Variants in HEXD observed in about 807,000 individuals in gnomAD.
HEXD encodes the protein hexosaminidase D, also known as N-acetyl-beta-galactosaminidase.
A neutral mutation model predicts 54.2 loss-of-function variants in HEXD; 47 were observed. That is an observed-to-expected ratio of 0.87 (90% CI 0.69 to 1.11). The LOEUF is 1.11. Among genes scored for constraint, HEXD ranks in the 50% least tolerant of loss-of-function variants. The pLI, the probability that HEXD is intolerant of heterozygous loss-of-function variation, is 0.00. For synonymous variants in HEXD, 293 were observed against 287.6 expected (o/e 1.02, Z -0.19); for missense variants, 576 against 649.2 (o/e 0.89, Z 1.23).
Position 82,442,614 on chromosome 17 carries a change from C to T in HEXD, c.*230C>T. On this transcript the variant is annotated 3_prime_UTR_variant, in exon 13 of 13. Coordinates refer to ENST00000327949, the MANE Select transcript of HEXD (RefSeq NM_001330542.2). The surrounding 1 kb of genome is among the most constrained non-coding windows in gnomAD (Gnocchi z 6.8). ...GTGATCTGCATGTGTGACACTGATT[C>T]TTTGGAAATAAAGAGTGGAAGCTGC... The T allele has an allele frequency of 1.3e-6, 2 of 1,545,516 alleles. No individual in the cohort carries two copies. The highest frequency in any genetic ancestry group is 1.8e-6 in the Non-Finnish European group (2 of 1,139,138).
At chr17:82,430,054 T>A (rs2053533919) in intron 4 of HEXD, among the ~76,000 whole-genome samples, 1 of 152,070 alleles carries the variant, frequency 6.6e-6, no homozygotes, top group Non-Finnish European at 1.5e-5. Context: ...CTGCTGCTCC[T>A]CCTCCTCTTC....
intron 3 of HEXD, 84 bp downstream of exon 3, chr17:82,424,587 G>A (rs775336768): frequency 2.3e-4 from 205 of 889,000 alleles, no homozygotes; most frequent in Admixed American, 1.7e-4. Context: ...GCAGCAACCT[G>A]GAGGTGCGGG....
At chr17:82,423,972 G>T (rs563823427) in intron 2 of HEXD, among the ~76,000 whole-genome samples, 1 of 139,740 alleles carries the variant, frequency 7.2e-6, no homozygotes, top group Non-Finnish European at 1.5e-5. Context: ...CCCCTGCCCC[G>T]GCTCCTCCTG....
At position 82,437,368 on chromosome 17, in the gene HEXD, G is replaced by A. The variant is rs749224702; in HGVS notation, c.899+5G>A. The A allele has an allele frequency of 8.2e-6, 13 of 1,580,856 alleles. No individual in the cohort carries two copies. The highest frequency in any genetic ancestry group is 1.0e-5 in the Non-Finnish European group (12 of 1,161,544). ...CATCCTGACCGGCTGGCAGAGGTAAGTCCTGGCCAGTCTGTCCTCAGAGGG... is the reference window on the plus strand; with the variant it reads ...CATCCTGACCGGCTGGCAGAGGTAAATCCTGGCCAGTCTGTCCTCAGAGGG... On this transcript the variant is annotated splice_donor_5th_base_variant and intron_variant, in intron 8 of 12. Coordinates refer to ENST00000327949, the MANE Select transcript of HEXD (RefSeq NM_001330542.2).
At chr17:82,433,184 G>A (rs2053662020) in intron 4 of HEXD, among the ~76,000 whole-genome samples, 1 of 131,840 alleles carries the variant, frequency 7.6e-6, no homozygotes, top group East Asian at 2.2e-4. Context: ...GTTCACGCCT[G>A]TAATCCCAGC....
Position 82,442,453 on chromosome 17 carries a change from C to T in HEXD, c.*69C>T. The stretch of plus-strand genomic sequence containing the variant: ...GCTCTGCACTGCCAAATGGCCTGGG[C>T]AATACGGGCCCACGTGGGCGTCGTG... On this transcript the variant is annotated 3_prime_UTR_variant, in exon 13 of 13. Coordinates refer to ENST00000327949, the MANE Select transcript of HEXD (RefSeq NM_001330542.2). The surrounding 1 kb of genome is among the most constrained non-coding windows in gnomAD (Gnocchi z 6.8). 1.2e-6 allele frequency: 2 copies of T among 1,608,984 alleles called. No homozygotes were observed. Among genetic ancestry groups the T allele is most frequent in the East Asian group, 4.5e-5 (2 of 44,652 alleles).
chr17:82,424,378 CCT>C lies in HEXD; in HGVS notation c.85-15_85-14del. On this transcript the variant is annotated splice_polypyrimidine_tract_variant and intron_variant, in intron 2 of 12. Coordinates refer to ENST00000327949, the MANE Select transcript of HEXD (RefSeq NM_001330542.2). ...AGCAGCCACTTCTTCCTAACCCCTCCCTGTTTACCCCCCAGATTTTTCCTCTG... is the reference window on the plus strand; with the variant it reads ...AGCAGCCACTTCTTCCTAACCCCTCCGTTTACCCCCCAGATTTTTCCTCTG... 3 of 1,584,298 alleles carry C rather than the reference CCT, an allele frequency of 1.9e-6. No homozygotes were observed. The highest frequency in any genetic ancestry group is 1.7e-6 in the Non-Finnish European group (2 of 1,152,944).
At chr17:82,441,517 G>A (rs1289053853) in intron 11 of HEXD, among the ~76,000 whole-genome samples, 1 of 149,062 alleles carries the variant, frequency 6.7e-6, no homozygotes, top group Non-Finnish European at 1.5e-5. Context: ...GGGCAGGTGC[G>A]GCTGAGGGGC....
intron 9 of HEXD, 164 bp downstream of exon 9, chr17:82,439,877 A>G: frequency 1.3e-6 from 2 of 1,535,480 alleles, no homozygotes; most frequent in East Asian, 4.9e-5. Context: ...CCTGCCCTGA[A>G]GTCCACCCAG....
chr17:82,418,576 G>A lies in HEXD; in HGVS notation c.-216G>A, dbSNP rs2053133642. ...GGGAGCGCGAGGCAGGCACGGCGCA[G>A]GGACGCGAGTGCGACGCGCTCGGCC... is the stretch of plus-strand genomic sequence containing the variant. On this transcript the variant is annotated 5_prime_UTR_variant, in exon 1 of 13. Transcript: ENST00000327949. 1 of 627,778 alleles carries A rather than the reference G, an allele frequency of 1.6e-6. No individual in the cohort carries two copies. Among genetic ancestry groups the A allele is most frequent in the Admixed American group, 4.8e-5 (1 of 21,036 alleles). The allele number at this position is 627,778 out of a possible 1,614,324, so 38.9% of individuals were successfully genotyped here. A position where few individuals can be genotyped will look rare whatever the true frequency, so the allele number is the denominator to read the frequency against.
At chr17:82,436,811 C>G in intron 7 of HEXD, 73 bp downstream of exon 7, 1 of 1,413,788 alleles carries the variant, frequency 7.1e-7, no homozygotes, top group South Asian at 1.2e-5. Flanking sequence ...CCCTGTGACC[C>G]TGCAGCCGGA....
At chr17:82,427,811 T>G (rs1599730029) in intron 3 of HEXD, among the ~76,000 whole-genome samples, 1 of 152,148 alleles carries the variant, frequency 6.6e-6, no homozygotes, top group South Asian at 2.1e-4. Flanking sequence ...TGACAGCTCA[T>G]GTAAAGCTTG....
chr17:82,430,029 C>G lies in HEXD; in HGVS notation c.282+1384C>G, dbSNP rs541432884. 2.0e-5 allele frequency among the ~76,000 whole-genome samples: 3 copies of G among 152,286 alleles called. No homozygotes were observed. In the East Asian group the frequency reaches 5.8e-4, roughly 29 times the overall value. On this transcript the variant is annotated intron_variant, in intron 4 of 12. Coordinates refer to ENST00000327949, the MANE Select transcript of HEXD (RefSeq NM_001330542.2). ...AGCACCACCACCCGCCACGCCCTGA[C>G]CCATGTTGGTCCTGCTGCTGCTCCT...
At position 82,437,235 on chromosome 17, in the gene HEXD, T is replaced by C. The variant is rs2053796234; in HGVS notation, c.771T>C (p.Gly257=). The change falls in exon 8 of 13, where the codon GGT becomes GGC. Residue 257 remains glycine (G), a synonymous_variant. Transcript: ENST00000327949. The part of the protein sequence containing the change: ...PQLWAASAFK[G]ATGPSQAVPP... ...TGTGGGCAGCCAGTGCCTTCAAGGG[T>C]GCCACGGGGCCCAGCCAGGCCGTGC... 6.2e-7 allele frequency: 1 copy of C among 1,610,228 alleles called. No homozygotes were observed. Among genetic ancestry groups the C allele is most frequent in the Non-Finnish European group, 8.5e-7 (1 of 1,178,164 alleles).
rs2053675661 is a variant in HEXD at position 82,433,646 on chromosome 17, GTC to G, written c.283-7_283-6del. The G allele has an allele frequency of 1.9e-6, 3 of 1,558,436 alleles. No individual in the cohort carries two copies. Among genetic ancestry groups the G allele is most frequent in the Non-Finnish European group, 2.6e-6 (3 of 1,159,178 alleles). ...CTCCGCCCCCAACGCGAACTTCTCT[GTC>G]TCTCCGCAGTTTGTGCTGAAGCACA... On this transcript the variant is annotated splice_polypyrimidine_tract_variant and intron_variant, in intron 4 of 12. Transcript: ENST00000327949.
At chr17:82,440,858 A>C (rs1448432967) in intron 9 of HEXD, 139 bp from the exon 10 acceptor site, 1 of 911,040 alleles carries the variant, frequency 1.1e-6, no homozygotes, top group African/African-American at 1.7e-5. Flanking sequence ...TGGGGCCGGC[A>C]CACGCGGGGC....
chr17:82,437,976 C>G (rs902377868), intron 8 of HEXD, among the ~76,000 whole-genome samples: 1 of 152,142 alleles, frequency 6.6e-6, no homozygotes, highest in African/African-American at 2.4e-5. Context: ...GTGGCTCATG[C>G]CTGTTATCCC....
chr17:82,442,128 GCAAGTCC>G lies in HEXD; in HGVS notation c.1254-43_1254-37del, dbSNP rs2054003050. 8.3e-6 allele frequency: 13 copies of G among 1,565,702 alleles called. No homozygotes were observed. The highest frequency in any genetic ancestry group is 1.1e-5 in the Non-Finnish European group (13 of 1,157,416). ...GGCAGTACTGACCATGGGGCTGAGG[GCAAGTCC>G]CAAGTGTGCAGACTGTGCGTTCATG... On this transcript the variant is annotated intron_variant, in intron 12 of 12. Transcript: ENST00000327949. This position sits in a 1 kb window ranked among gnomAD's most constrained non-coding sequence, Gnocchi z 6.8.
chr17:82,424,427 G>A lies in HEXD; in HGVS notation c.118G>A (p.Gly40Ser). 11 of 1,613,990 alleles carry A rather than the reference G, an allele frequency of 6.8e-6. No individual in the cohort carries two copies. The highest frequency in any genetic ancestry group is 8.5e-6 in the Non-Finnish European group (10 of 1,179,926). ...FPLFRALGAN[G>S]LLIEYEDMFP... ...TCTGTTCCGTGCGCTAGGTGCAAAC[G>A]GCCTCCTCATTGAGTATGAAGACAT... The change falls in exon 3 of 13, where the codon GGC (glycine) becomes AGC (serine). Residue 40 changes from glycine (G) to serine (S), a missense_variant. Coordinates refer to ENST00000327949, the MANE Select transcript of HEXD (RefSeq NM_001330542.2).
Sources: allele counts gnomAD v4.1 joint callset (sites outside exome capture counted in the v4.1 genomes callset), GRCh38; gene constraint gnomAD v4.1.1; non-coding constraint Gnocchi (gnomAD v3.1); transcripts MANE v1.5; gene names NCBI Gene and HGNC (gene_info 2026-07-23, HGNC 2026-07-21).